The following ATP1B2 variants were observed in gnomAD, a reference collection of about 807,000 sequenced individuals.
The protein encoded by ATP1B2 is ATPase Na+/K+ transporting subunit beta 2.
ATP1B2 carries 12 observed loss-of-function variants against 37.3 expected under a neutral mutation model. That is an observed-to-expected ratio of 0.32 (90% CI 0.21 to 0.52). The LOEUF is 0.52. ATP1B2 is among the 20% of genes least tolerant of loss of function. The pLI is 0.96. For missense variants in ATP1B2, 324 were observed against 391.6 expected, an observed-to-expected ratio of 0.83 and a Z score of 1.46; for synonymous variants, 139 against 140.5, an observed-to-expected ratio of 0.99 and a Z score of 0.07.
Position 7,653,912 on chromosome 17 carries a change from C to G in ATP1B2, c.313C>G (p.Gln105Glu). Residue 105 changes from glutamine (Q) to glutamate (E), a missense_variant, in exon 3 of 7, where the codon CAG becomes GAG. By Grantham distance (29) the Gln-to-Glu change is conservative. Transcript: ENST00000250111. The part of the protein sequence containing the change: ...VNVSDTESWD[Q>E]HVQKLNKFLE... ...TGTCAGTGACACTGAAAGCTGGGACCAGCATGTTCAGAAGCTCAACAAGTT... is the reference window on the plus strand; with the variant it reads ...TGTCAGTGACACTGAAAGCTGGGACGAGCATGTTCAGAAGCTCAACAAGTT... 6.2e-7 allele frequency: 1 copy of G among 1,614,134 alleles called. No individual in the cohort carries two copies. The highest frequency in any genetic ancestry group is 8.5e-7 in the Non-Finnish European group (1 of 1,180,038).
Position 7,655,639 on chromosome 17 carries a change from G to C in ATP1B2, c.708+14G>C. The C allele has an allele frequency of 6.2e-7, 1 of 1,614,146 alleles. No homozygotes were observed. The highest frequency in any genetic ancestry group is 1.3e-5 in the African/African-American group (1 of 75,034). ...AAAAAGTTCCACGTAAGTCCCAGGG[G>C]AGGCCCAGGCTGATGGCGGGTGCGG... On this transcript the variant is annotated intron_variant, in intron 6 of 6. Transcript: ENST00000250111. The surrounding 1 kb of genome is among the most constrained non-coding windows in gnomAD (Gnocchi z 4.4).
rs2072657913 is a variant in ATP1B2, at chr17:7,656,881, T to A, written c.*986T>A. The stretch of plus-strand genomic sequence containing the variant: ...TTTTAGTAGAGATGGGGGTTTCTCC[T>A]TGTTGGTCAGGCTGGTCTCGAACTC... On this transcript the variant is annotated 3_prime_UTR_variant, in exon 7 of 7. Transcript: ENST00000250111. The A allele has an allele frequency of 1.3e-5, 2 of 149,970 alleles. No individual in the cohort carries two copies. Among genetic ancestry groups the A allele is most frequent in the Non-Finnish European group, 3.0e-5 (2 of 67,646 alleles). 9.3% of individuals were successfully genotyped at this position (149,970 alleles called of 1,614,324 possible). A position where few individuals can be genotyped will look rare whatever the true frequency, so the allele number is the denominator to read the frequency against.
chr17:7,649,724 T>G (rs1355194014), upstream of ATP1B2, among the ~76,000 whole-genome samples: 4 of 152,074 alleles, frequency 2.6e-5, no homozygotes, highest in Non-Finnish European at 5.9e-5. Flanking sequence ...AGCTAATTTT[T>G]TTTTTTTGTA....
chr17:7,655,661 G>A lies in ATP1B2; in HGVS notation c.708+36G>A, dbSNP rs780151975. On this transcript the variant is annotated intron_variant, in intron 6 of 6. Coordinates refer to ENST00000250111, the MANE Select transcript of ATP1B2 (RefSeq NM_001678.5). The surrounding 1 kb of genome is among the most constrained non-coding windows in gnomAD (Gnocchi z 4.4). ...GGGGAGGCCCAGGCTGATGGCGGGT[G>A]CGGGTGGTGAGCTAGGGAAGGAGGC... 3 of 1,613,948 alleles carry A rather than the reference G, an allele frequency of 1.9e-6. No homozygotes were observed. The Admixed American group carries it at 5.0e-5, about 27-fold the overall frequency.
chr17:7,651,877 C>A (rs1286776457), intron 1 of ATP1B2, among the ~76,000 whole-genome samples: 1 of 123,692 alleles, frequency 8.1e-6, no homozygotes, highest in Non-Finnish European at 1.7e-5. Context: ...GGGGGGTCGC[C>A]AGCTCCGCCT....
chr17:7,654,566 C>T lies in ATP1B2; in HGVS notation c.553-62C>T. ...ACTACAGTCCCCGGCTTAGCTTGGT[C>T]TGGATGCCCATCTTCGACAACTTCT... On this transcript the variant is annotated intron_variant, in intron 4 of 6. Coordinates refer to ENST00000250111, the MANE Select transcript of ATP1B2 (RefSeq NM_001678.5). The surrounding 1 kb of genome is among the most constrained non-coding windows in gnomAD (Gnocchi z 4.9). 2 of 1,563,032 alleles carry T rather than the reference C, an allele frequency of 1.3e-6. No homozygotes were observed. The highest frequency in any genetic ancestry group is 1.8e-6 in the Non-Finnish European group (2 of 1,133,836).
Position 7,651,232 on chromosome 17 carries a change from G to T in ATP1B2, c.-287G>T. The T allele has an allele frequency of 2.5e-6, 1 of 402,654 alleles. No individual in the cohort carries two copies. Among genetic ancestry groups the T allele is most frequent in the Non-Finnish European group, 4.6e-6 (1 of 217,864 alleles). The allele number at this position is 402,654 out of a possible 1,614,324, so 24.9% of individuals were successfully genotyped here. A position where few individuals can be genotyped will look rare whatever the true frequency, so the allele number is the denominator to read the frequency against. ...AGACGGTTTGGTGGGGGGTGAAGCT[G>T]CATTCATACCCCTTCCTCTTGTTAT... On this transcript the variant is annotated 5_prime_UTR_variant, in exon 1 of 7. Coordinates refer to ENST00000250111, the MANE Select transcript of ATP1B2 (RefSeq NM_001678.5).
chr17:7,653,819 C>T (rs1421122975), intron 2 of ATP1B2, 22 bp from the exon 3 acceptor site: 1 of 1,611,070 alleles, frequency 6.2e-7, no homozygotes, highest in Admixed American at 1.7e-5. Context: ...ATACCCCCAA[C>T]TTCTGCCTTT....
upstream of ATP1B2, among the ~76,000 whole-genome samples, chr17:7,649,480 C>G (rs868132871): frequency 2.0e-5 from 3 of 152,080 alleles, no homozygotes; most frequent in Non-Finnish European, 2.9e-5. Context: ...CTCCGCCTCC[C>G]GGGTTCAAGC....
rs2072611608 is a variant in ATP1B2, at chr17:7,651,436, G to A, written c.-83G>A. On this transcript the variant is annotated 5_prime_UTR_variant, in exon 1 of 7. The change creates a new upstream start codon in the 5' untranslated region. Coordinates refer to ENST00000250111, the MANE Select transcript of ATP1B2 (RefSeq NM_001678.5). ...CCGCCTTCGCTCCCCGTGCTTTTGG[G>A]TGTGTGGAGGGCTTCAGCGCGCGGC... The A allele has an allele frequency of 8.0e-7, 1 of 1,256,108 alleles. No individual in the cohort carries two copies. The highest frequency in any genetic ancestry group is 2.0e-5 in the Admixed American group (1 of 49,736). 77.8% of individuals were successfully genotyped at this position (1,256,108 alleles called of 1,614,324 possible).
chr17:7,648,567 C>CAAAAA (rs58333874), upstream of ATP1B2, among the ~76,000 whole-genome samples: 13 of 69,706 alleles, frequency 1.9e-4, no homozygotes, highest in South Asian at 5.3e-4. Flanking sequence ...ACTCTGTCTC[C>CAAAAA]AAAAAAAAAA....
Position 7,655,658 on chromosome 17 carries a change from GGT to G in ATP1B2, c.708+35_708+36del. ...CCAGGGGAGGCCCAGGCTGATGGCGGGTGCGGGTGGTGAGCTAGGGAAGGAGG... is the reference window on the plus strand; with the variant it reads ...CCAGGGGAGGCCCAGGCTGATGGCGGGCGGGTGGTGAGCTAGGGAAGGAGG... On this transcript the variant is annotated intron_variant, in intron 6 of 6. Transcript: ENST00000250111. This position sits in a 1 kb window ranked among gnomAD's most constrained non-coding sequence, Gnocchi z 4.4. 1.9e-6 allele frequency: 3 copies of G among 1,614,046 alleles called. No homozygotes were observed. Among genetic ancestry groups the G allele is most frequent in the Non-Finnish European group, 2.5e-6 (3 of 1,179,960 alleles).
At chr17:7,647,568 C>G (rs933131525), upstream of ATP1B2, among the ~76,000 whole-genome samples, 2 of 151,984 alleles carry the variant, frequency 1.3e-5, no homozygotes, top group African/African-American at 4.8e-5. Context: ...CGCCTGTAAT[C>G]CCAGCATTTT....
At chr17:7,648,489 C>A (rs1281750919), upstream of ATP1B2, among the ~76,000 whole-genome samples, 1 of 143,662 alleles carries the variant, frequency 7.0e-6, no homozygotes, top group Non-Finnish European at 1.5e-5. Context: ...ACCGCTTGAA[C>A]CCTGGAGGCA....
chr17:7,655,785 G>C lies in ATP1B2; in HGVS notation c.763G>C (p.Val255Leu). ...AVKFLNVTPN[V>L]EVNVECRINA... is the part of the protein sequence containing the mutation. ...GAAGTTCCTGAATGTGACCCCCAAC[G>C]TGGAGGTGAATGTAGAATGTCGCAT... Residue 255 changes from valine to leucine, a missense_variant, in exon 7 of 7, where the codon GTG becomes CTG. Physicochemically the swap from Val to Leu is conservative, Grantham distance 32 (BLOSUM62 1). Coordinates refer to ENST00000250111, the MANE Select transcript of ATP1B2 (RefSeq NM_001678.5). The surrounding 1 kb of genome is among the most constrained non-coding windows in gnomAD (Gnocchi z 4.4). 1 of 1,614,108 alleles carries C rather than the reference G, an allele frequency of 6.2e-7. No homozygotes were observed. The highest frequency in any genetic ancestry group is 8.5e-7 in the Non-Finnish European group (1 of 1,180,030).
rs765060572 is a variant in ATP1B2 at position 7,655,807 on chromosome 17, G to T, written c.785G>T (p.Arg262Leu). The change falls in exon 7 of 7, where the codon CGC (arginine) becomes CTC (leucine). Residue 262 changes from arginine (R) to leucine (L), a missense_variant. Arg to Leu is a moderately radical substitution (Grantham distance 102). Transcript: ENST00000250111. This position sits in a 1 kb window ranked among gnomAD's most constrained non-coding sequence, Gnocchi z 4.4. ...TPNVEVNVEC[R>L]INAANIATDD... ...AACGTGGAGGTGAATGTAGAATGTC[G>T]CATCAACGCCGCCAACATCGCCACA... The T allele has an allele frequency of 6.2e-7, 1 of 1,614,088 alleles. No homozygotes were observed. The highest frequency in any genetic ancestry group is 8.5e-7 in the Non-Finnish European group (1 of 1,180,010).
At position 7,653,830 on chromosome 17, in the gene ATP1B2, G is replaced by T; in HGVS notation, c.242-11G>T. 1 of 1,613,686 alleles carries T rather than the reference G, an allele frequency of 6.2e-7. No homozygotes were observed. Among genetic ancestry groups the T allele is most frequent in the Non-Finnish European group, 8.5e-7 (1 of 1,179,722 alleles). ...ATAGATACCCCCAACTTCTGCCTTT[G>T]TTGGCTGTAGGCTTGATGATTCGCC... On this transcript the variant is annotated splice_polypyrimidine_tract_variant and intron_variant, in intron 2 of 6. Coordinates refer to ENST00000250111, the MANE Select transcript of ATP1B2 (RefSeq NM_001678.5).
At chr17:7,649,284 C>A (rs1288141666), upstream of ATP1B2, among the ~76,000 whole-genome samples, 1 of 151,986 alleles carries the variant, frequency 6.6e-6, no homozygotes, top group African/African-American at 2.4e-5. Context: ...AACTCCTGAC[C>A]TCTGGTCTCG....
chr17:7,649,794 G>A (rs912810324), upstream of ATP1B2, among the ~76,000 whole-genome samples: 2 of 151,720 alleles, frequency 1.3e-5, no homozygotes, highest in Non-Finnish European at 2.9e-5. Flanking sequence ...TCCTGACCTC[G>A]TGATCCACCC....
Sources: gnomAD v4.1 joint callset for allele counts (sites outside exome capture counted in the v4.1 genomes callset) on GRCh38, gnomAD v4.1.1 for gene constraint, Gnocchi (gnomAD v3.1) non-coding constraint, MANE v1.5 for transcripts, NCBI Gene and HGNC (gene_info 2026-07-23, HGNC 2026-07-21) for gene names.